Variants in NRG1 observed in about 807,000 individuals in gnomAD.
NRG1 encodes pro-neuregulin-1, membrane-bound isoform.
NRG1 carries 18 observed loss-of-function variants against 63.8 expected under a neutral mutation model. That is an observed-to-expected ratio of 0.28 (90% CI 0.19 to 0.42). The LOEUF (loss-of-function observed/expected upper bound fraction) is 0.42. Among genes scored for constraint, NRG1 ranks in the 10% least tolerant of loss-of-function variants. The pLI is 1.00. For missense variants in NRG1, 762 were observed against 814.7 expected, an observed-to-expected ratio of 0.94 and a Z score of 0.79; for synonymous variants, 302 against 301.3, an observed-to-expected ratio of 1.00 and a Z score of -0.02.
At chr8:31,709,799 A>T (rs150753072) in intron 1 of NRG1, among the ~76,000 whole-genome samples, 2,168 of 151,846 alleles carry the variant, frequency 0.014, 53 homozygotes, top group African/African-American at 0.05. Context: ...GGCTTTTTAA[A>T]TTCTTATTTT....
intron 1 of NRG1, among the ~76,000 whole-genome samples, chr8:31,827,738 T>C (rs1824707532): frequency 1.3e-5 from 2 of 152,236 alleles, no homozygotes; most frequent in African/African-American, 4.8e-5. Context: ...TTCTCTTTAT[T>C]CGATTGTTTG....
intron 1 of NRG1, among the ~76,000 whole-genome samples, chr8:32,215,714 G>A (rs1440345246): frequency 1.3e-5 from 2 of 152,130 alleles, no homozygotes; most frequent in Admixed American, 6.6e-5. Context: ...TTTTGACTTT[G>A]TTTAAATAAC....
At chr8:31,657,322 A>T (rs749181462) in intron 1 of NRG1, among the ~76,000 whole-genome samples, 29 of 152,222 alleles carry the variant, frequency 1.9e-4, no homozygotes, top group Non-Finnish European at 3.8e-4. Context: ...TGAAAATGAA[A>T]TAAAAAGATG....
chr8:32,578,936 AG>A (rs1421520339), intron 1 of NRG1, among the ~76,000 whole-genome samples: 1 of 152,184 alleles, frequency 6.6e-6, no homozygotes, highest in African/African-American at 2.4e-5. Context: ...TAATCTGTAA[AG>A]GCTTGTTGTG....
intron 5 of NRG1, among the ~76,000 whole-genome samples, chr8:32,649,846 C>T (rs1309331816): frequency 1.3e-5 from 2 of 152,190 alleles, no homozygotes; most frequent in African/African-American, 4.8e-5. Context: ...TGCCTCTTCC[C>T]ACCTGGCAAA....
chr8:32,206,806 G>GTCTC (rs573867120), intron 1 of NRG1, among the ~76,000 whole-genome samples: 12 of 152,280 alleles, frequency 7.9e-5, no homozygotes, highest in Middle Eastern at 3.4e-3. Context: ...ACCCTTCTGA[G>GTCTC]TCTCCAGTGT....
intron 1 of NRG1, among the ~76,000 whole-genome samples, chr8:32,452,307 A>G (rs928672568): frequency 2.6e-5 from 4 of 152,178 alleles, no homozygotes; most frequent in African/African-American, 9.6e-5. Context: ...GATGTGAACT[A>G]AAGAGGGAGT....
chr8:32,162,399 T>C (rs1232942622), intron 1 of NRG1, among the ~76,000 whole-genome samples: 1 of 152,208 alleles, frequency 6.6e-6, no homozygotes, highest in African/African-American at 2.4e-5. Flanking sequence ...TGGCATTTTA[T>C]AGGCACAGTT....
At chr8:31,834,531 A>G (rs1476866931) in intron 1 of NRG1, among the ~76,000 whole-genome samples, 1 of 151,962 alleles carries the variant, frequency 6.6e-6, no homozygotes, top group Non-Finnish European at 1.5e-5. Context: ...TCAACACAAG[A>G]CCTTGTCTCT....
chr8:31,783,615 A>AC (rs898958667), intron 1 of NRG1, among the ~76,000 whole-genome samples: 1 of 151,844 alleles, frequency 6.6e-6, no homozygotes, highest in African/African-American at 2.4e-5. Flanking sequence ...AAAAAAAAAA[A>AC]AAACAAAAAA....
intron 1 of NRG1, among the ~76,000 whole-genome samples, chr8:31,913,125 C>T (rs989705652): frequency 2.0e-5 from 3 of 152,052 alleles, no homozygotes; most frequent in African/African-American, 7.2e-5. Flanking sequence ...GTTAATTTCT[C>T]AGTTTGCTAT....
chr8:31,792,947 A>G (rs1820856647), intron 1 of NRG1, among the ~76,000 whole-genome samples: 1 of 152,200 alleles, frequency 6.6e-6, no homozygotes, highest in Non-Finnish European at 1.5e-5. Flanking sequence ...CATGTTTCTA[A>G]TTCTCACACC....
intron 1 of NRG1, among the ~76,000 whole-genome samples, chr8:32,366,735 A>C (rs1307016551): frequency 8.3e-6 from 1 of 120,248 alleles, no homozygotes; most frequent in African/African-American, 2.9e-5. Context: ...TTTTTGAGAC[A>C]GAGTCTTGCT....
intron 1 of NRG1, among the ~76,000 whole-genome samples, chr8:32,254,326 A>G (rs552331537): frequency 4.6e-5 from 7 of 152,184 alleles, no homozygotes; most frequent in Admixed American, 4.6e-4. Flanking sequence ...AGTGCTATAA[A>G]TTTCCGTCTA....
At chr8:32,052,511 G>T (rs1822154989) in intron 1 of NRG1, among the ~76,000 whole-genome samples, 1 of 151,626 alleles carries the variant, frequency 6.6e-6, no homozygotes, top group Non-Finnish European at 1.5e-5. Flanking sequence ...CAAACTCCTG[G>T]CCTCAAGTTA....
chr8:31,920,884 G>A (rs5028003), intron 1 of NRG1, among the ~76,000 whole-genome samples: 234 of 147,202 alleles, frequency 1.6e-3, no homozygotes, highest in African/African-American at 4.8e-3. Context: ...AGATAGATAG[G>A]TAGATAGATA....
intron 1 of NRG1, among the ~76,000 whole-genome samples, chr8:32,056,957 A>G (rs776361596): frequency 6.6e-6 from 1 of 152,190 alleles, no homozygotes; most frequent in Non-Finnish European, 1.5e-5. Context: ...GAGTAGACTC[A>G]TTTCTAACAT....
chr8:32,067,338 C>A (rs932852792), intron 1 of NRG1, among the ~76,000 whole-genome samples: 1 of 152,056 alleles, frequency 6.6e-6, no homozygotes, highest in South Asian at 2.1e-4. Flanking sequence ...TCATAGACAG[C>A]GCTTATTATT....
chr8:32,569,532 A>G (rs568464121), intron 1 of NRG1, among the ~76,000 whole-genome samples: 1 of 152,278 alleles, frequency 6.6e-6, no homozygotes, highest in East Asian at 1.9e-4. Context: ...AAAAGATTAT[A>G]TAGTAGACTT....
Sources: gnomAD v4.1 joint callset for allele counts (sites outside exome capture counted in the v4.1 genomes callset) on GRCh38, gnomAD v4.1.1 for gene constraint, MANE v1.5 for transcripts, NCBI Gene and HGNC (gene_info 2026-07-23, HGNC 2026-07-21) for gene names.